Variants in SLC35E2B observed in about 807,000 individuals in gnomAD.
The protein encoded by SLC35E2B is solute carrier family 35, member E2B.
SLC35E2B carries 18 observed loss-of-function variants against 32.4 expected under a neutral mutation model. The ratio of observed to expected loss-of-function variants is 0.56; its 90% confidence interval spans 0.38 to 0.82. The LOEUF is 0.82. Ranked by LOEUF, SLC35E2B falls within the 40% of genes least tolerant of loss-of-function variation. SLC35E2B has a pLI of 0.00. For synonymous variants in SLC35E2B, 132 were observed against 209.1 expected (o/e 0.63, Z 3.18); for missense variants, 263 against 469.5 (o/e 0.56, Z 4.06).
intron 8 of SLC35E2B, 28 bp from the exon 9 acceptor site, chr1:1,668,500 T>G (rs757141742): frequency 1.1e-5 from 18 of 1,613,924 alleles, no homozygotes; most frequent in Non-Finnish European, 1.5e-5. Context: ...GGGTACTCTA[T>G]CGGTTTCCAT....
chr1:1,690,537 G>C (rs1644007218), intron 2 of SLC35E2B, among the ~76,000 whole-genome samples: 1 of 139,146 alleles, frequency 7.2e-6, no homozygotes, highest in African/African-American at 2.6e-5. Context: ...TCAGGAGTTC[G>C]AGACCAGCCT....
At chr1:1,683,325 T>A (rs1643915960) in intron 2 of SLC35E2B, among the ~76,000 whole-genome samples, 1 of 152,168 alleles carries the variant, frequency 6.6e-6, no homozygotes, top group African/African-American at 2.4e-5. Flanking sequence ...CAGATGCTGG[T>A]CAGCCTGTGG....
intron 5 of SLC35E2B, chr1:1,672,396 A>C (rs536334824): frequency 6.6e-6 from 1 of 152,388 alleles, no homozygotes; most frequent in Non-Finnish European, 1.5e-5. Context: ...AAACCCACAG[A>C]TACTGCCCAG....
At position 1,663,881 on chromosome 1, in the gene SLC35E2B, C is replaced by G; in HGVS notation, c.*1901G>C. ...ACACACCTGGCCTGTCCTCCACACA[C>G]AGGTCAGCGGTTTTATAGAAGCGGC... On this transcript the variant is annotated 3_prime_UTR_variant, in exon 10 of 10. Coordinates refer to ENST00000617444, the MANE Select transcript of SLC35E2B (RefSeq NM_001290264.2). 8.2e-6 allele frequency: 7 copies of G among 858,688 alleles called. 1 individual carries two copies. The South Asian group carries it at 3.5e-4, about 43-fold the overall frequency. 53.2% of individuals were successfully genotyped at this position (858,688 alleles called of 1,614,324 possible).
chr1:1,677,441 G>A (rs1484686579), intron 2 of SLC35E2B, among the ~76,000 whole-genome samples: 16 of 151,576 alleles, frequency 1.1e-4, no homozygotes, highest in Non-Finnish European at 1.5e-4. Flanking sequence ...TGCCGCTGTC[G>A]GGTGCCCAGG....
rs1557765434 is a variant in SLC35E2B, at chr1:1,684,810, A to AAAAAC, written c.-148+6161_-148+6165dup. Among the ~76,000 whole-genome samples the AAAAAC allele has an allele frequency of 6.0e-4, 88 of 147,204 alleles. 3 individuals carry two copies. Among genetic ancestry groups the AAAAAC allele is most frequent in the African/African-American group, 2.1e-3 (82 of 39,636 alleles). On this transcript the variant is annotated intron_variant, in intron 2 of 9. Coordinates refer to ENST00000617444, the MANE Select transcript of SLC35E2B (RefSeq NM_001290264.2). ...ATCTCAAAAAAAAAAAAAAAAAAAAAAAAACAGGACAGCCAGCGGGTGCAG... is the reference window on the plus strand; with the variant it reads ...ATCTCAAAAAAAAAAAAAAAAAAAAAAAAACAAAACAGGACAGCCAGCGGGTGCAG...
chr1:1,678,840 A>G (rs1570335403), intron 2 of SLC35E2B, among the ~76,000 whole-genome samples: 1 of 152,106 alleles, frequency 6.6e-6, no homozygotes, highest in Non-Finnish European at 1.5e-5. Context: ...TGAGCCAGGG[A>G]GCTAGGAGAC....
intron 5 of SLC35E2B, among the ~76,000 whole-genome samples, chr1:1,674,892 G>A (rs540716230): frequency 1.3e-5 from 2 of 152,108 alleles, no homozygotes; most frequent in Non-Finnish European, 2.9e-5. Context: ...TCTGCTCCTC[G>A]CTGGTTTTCA....
chr1:1,678,016 C>T (rs1033851777), intron 2 of SLC35E2B, among the ~76,000 whole-genome samples: 2 of 151,856 alleles, frequency 1.3e-5, no homozygotes, highest in African/African-American at 4.8e-5. Flanking sequence ...TTTCCTGTTT[C>T]TCACACCTGG....
chr1:1,679,353 CA>C (rs1643880041), intron 2 of SLC35E2B, among the ~76,000 whole-genome samples: 1 of 152,150 alleles, frequency 6.6e-6, no homozygotes, highest in Non-Finnish European at 1.5e-5. Flanking sequence ...GCATCCCAGG[CA>C]AAACTGCTCC....
Position 1,665,404 on chromosome 1 carries a change from C to T in SLC35E2B, c.*378G>A. On this transcript the variant is annotated 3_prime_UTR_variant, in exon 10 of 10. Coordinates refer to ENST00000617444, the MANE Select transcript of SLC35E2B (RefSeq NM_001290264.2). ...GATGGCTGGTGTGGGAAGCCGAGGG[C>T]TCTCTTGGCTGTGGCAGGGAGCGGC... 1 of 450,638 alleles carries T rather than the reference C, an allele frequency of 2.2e-6. No individual in the cohort carries two copies. Among genetic ancestry groups the T allele is most frequent in the East Asian group, 3.3e-5 (1 of 29,882 alleles). The allele number at this position is 450,638 out of a possible 1,614,324, so 27.9% of individuals were successfully genotyped here.
intron 2 of SLC35E2B, among the ~76,000 whole-genome samples, chr1:1,680,393 C>T (rs1288089605): frequency 3.9e-5 from 6 of 152,196 alleles, no homozygotes; most frequent in East Asian, 1.9e-4. Context: ...CGCTGGGACG[C>T]GGGTTCTCTG....
At chr1:1,677,661 T>A (rs1210160390) in intron 2 of SLC35E2B, among the ~76,000 whole-genome samples, 1 of 151,568 alleles carries the variant, frequency 6.6e-6, no homozygotes, top group Non-Finnish European at 1.5e-5. Context: ...GTAATTTTTT[T>A]TTTTTTAGTA....
In SLC35E2B at chr1:1,664,838, G is replaced by A. The variant is rs1392726793; in HGVS notation, c.*944C>T. On this transcript the variant is annotated 3_prime_UTR_variant, in exon 10 of 10. Transcript: ENST00000617444. ...CTGCCCAAGGCTCACGTGGGGAACC[G>A]GACAGGTGCTAGATGATGATAGGAA... 62 of 911,136 alleles carry A rather than the reference G, an allele frequency of 6.8e-5. 2 individuals carry two copies. The highest frequency in any genetic ancestry group is 1.3e-4 in the Admixed American group (2 of 15,822). The allele number at this position is 911,136 out of a possible 1,614,324, so 56.4% of individuals were successfully genotyped here. A position where few individuals can be genotyped will look rare whatever the true frequency, so the allele number is the denominator to read the frequency against.
chr1:1,665,250 A>C lies in SLC35E2B; in HGVS notation c.*532T>G, dbSNP rs569051438. 1 of 232,680 alleles carries C rather than the reference A, an allele frequency of 4.3e-6. No individual in the cohort carries two copies. The highest frequency in any genetic ancestry group is 2.3e-5 in the African/African-American group (1 of 44,372). 14.4% of individuals were successfully genotyped at this position (232,680 alleles called of 1,614,324 possible). A position where few individuals can be genotyped will look rare whatever the true frequency, so the allele number is the denominator to read the frequency against. The stretch of plus-strand genomic sequence containing the variant: ...CACAGCCCTGGGTCAGGTGGGGAGA[A>C]GTTCTGAGTGCCCACCGTGGCAGCA... On this transcript the variant is annotated 3_prime_UTR_variant, in exon 10 of 10. Transcript: ENST00000617444.
Position 1,692,512 on chromosome 1 carries a change from G to A in SLC35E2B, c.-629C>T, listed in dbSNP as rs1171596113. 8 of 985,302 alleles carry A rather than the reference G, an allele frequency of 8.1e-6. No homozygotes were observed. In the African/African-American group the frequency reaches 1.2e-4, roughly 15 times the overall value. The allele number at this position is 985,302 out of a possible 1,614,324, so 61.0% of individuals were successfully genotyped here. A position where few individuals can be genotyped will look rare whatever the true frequency, so the allele number is the denominator to read the frequency against. ...AGGCCCCGGCGCCTTCACAACAAAG[G>A]GACGCTGGCGGGCGGGGCCTGAGAG... is the stretch of plus-strand genomic sequence containing the variant. On this transcript the variant is annotated 5_prime_UTR_variant, in exon 1 of 10. Coordinates refer to ENST00000617444, the MANE Select transcript of SLC35E2B (RefSeq NM_001290264.2).
rs1361599265 is a variant in SLC35E2B at position 1,677,415 on chromosome 1, C to T, written c.-147-569G>A. ...GCCCTGCCTGGCAGCTGCACCTTCTCGATGGGCTTTGTGGCTGCCGCTGTC... is the reference window on the plus strand; with the variant it reads ...GCCCTGCCTGGCAGCTGCACCTTCTTGATGGGCTTTGTGGCTGCCGCTGTC... On this transcript the variant is annotated intron_variant, in intron 2 of 9. Transcript: ENST00000617444. 4.0e-5 allele frequency among the ~76,000 whole-genome samples: 6 copies of T among 151,430 alleles called. No individual in the cohort carries two copies. The East Asian group carries it at 5.8e-4, about 15-fold the overall frequency.
rs910284048 is a variant in SLC35E2B at position 1,665,818 on chromosome 1, C to T, written c.1182G>A (p.Glu394=). Residue 394 remains glutamate, a synonymous_variant, in exon 10 of 10, where the codon GAG becomes GAA. Coordinates refer to ENST00000617444, the MANE Select transcript of SLC35E2B (RefSeq NM_001290264.2). ...ATGRAPDDTV[E]PLLPQDPRQH... ...GCCTGGGGTCCTGTGGAAGCAGCGG[C>T]TCCACTGTGTCGTCTGGGGCCCGGC... 8 of 1,550,916 alleles carry T rather than the reference C, an allele frequency of 5.2e-6. No homozygotes were observed. In the Admixed American group the frequency reaches 1.6e-4, roughly 30 times the overall value.
chr1:1,677,339 C>T (rs1351918770), intron 2 of SLC35E2B, among the ~76,000 whole-genome samples: 1 of 150,956 alleles, frequency 6.6e-6, no homozygotes, highest in Non-Finnish European at 1.5e-5. Flanking sequence ...AGACGGTCTC[C>T]TGGCACACTT....
Sources: allele counts gnomAD v4.1 joint callset (sites outside exome capture counted in the v4.1 genomes callset), GRCh38; gene constraint gnomAD v4.1.1; transcripts MANE v1.5; gene names NCBI Gene and HGNC (gene_info 2026-07-23, HGNC 2026-07-21).